OR2L13: variants seen among roughly 807,000 people sequenced by gnomAD.
OR2L13 encodes olfactory receptor 2L13.
In OR2L13, 14 loss-of-function variants were observed where a neutral mutation model predicts 15.3. The ratio of observed to expected loss-of-function variants is 0.91; its 90% CI spans 0.60 to 1.43. The LOEUF (loss-of-function observed/expected upper bound fraction) is 1.43. Among genes scored for constraint, OR2L13 ranks in the 40% most tolerant of loss-of-function variants. The pLI is 0.00. For synonymous variants in OR2L13, 152 were observed against 142.9 expected, an observed-to-expected ratio of 1.06 and a Z score of -0.45; for missense variants, 367 against 387.9, an observed-to-expected ratio of 0.95 and a Z score of 0.45.
chr1:248,078,184 T>G, the OR2L13 span, among the ~76,000 whole-genome samples: 2 of 152,106 alleles, frequency 1.3e-5, no homozygotes, highest in Admixed American at 6.6e-5. Context: ...CTAGTAGGAA[T>G]AAAAAATGGT....
the OR2L13 span, among the ~76,000 whole-genome samples, chr1:247,969,000 AC>A: frequency 6.6e-6 from 1 of 151,958 alleles, no homozygotes; most frequent in Non-Finnish European, 1.5e-5. Context: ...ATCCTCTCCA[AC>A]ATCTGTTGTT....
the OR2L13 span, chr1:248,040,979 G>C: frequency 6.6e-6 from 1 of 152,096 alleles, no homozygotes; most frequent in Non-Finnish European, 1.5e-5. Flanking sequence ...TTGACTTATA[G>C]AATGGCAAAT....
the OR2L13 span, among the ~76,000 whole-genome samples, chr1:247,971,261 C>A: frequency 6.6e-6 from 1 of 151,872 alleles, no homozygotes; most frequent in Non-Finnish European, 1.5e-5. Context: ...AAATAAGGAG[C>A]AGAAGAACGT....
At chr1:248,080,107 G>C in the OR2L13 span, among the ~76,000 whole-genome samples, 1 of 151,998 alleles carries the variant, frequency 6.6e-6, no homozygotes, top group South Asian at 2.1e-4. Flanking sequence ...GGAACTAGAT[G>C]ATCTTTGTTG....
upstream of OR2L13, among the ~76,000 whole-genome samples, chr1:248,090,975 T>C (rs1386354244): frequency 6.6e-6 from 1 of 152,128 alleles, no homozygotes. Context: ...GTAATACCCA[T>C]TCTGACTGGT....
At chr1:248,002,751 G>A in the OR2L13 span, among the ~76,000 whole-genome samples, 6 of 151,978 alleles carry the variant, frequency 3.9e-5, no homozygotes, top group Non-Finnish European at 7.4e-5. Context: ...CCAGCTACTC[G>A]GGAGGCTGAG....
At chr1:247,993,762 GGAGAGAGAGA>G in the OR2L13 span, among the ~76,000 whole-genome samples, 8 of 53,668 alleles carry the variant, frequency 1.5e-4, no homozygotes, top group South Asian at 2.3e-3. Flanking sequence ...AGAGAGAGGG[GGAGAGAGAGA>G]GAGAGAGAGA....
At chr1:248,073,588 G>A in the OR2L13 span, among the ~76,000 whole-genome samples, 8 of 151,216 alleles carry the variant, frequency 5.3e-5, no homozygotes, top group African/African-American at 1.9e-4. Context: ...TAACTAACCT[G>A]CACATTGTGC....
chr1:247,942,776 T>C, the OR2L13 span, among the ~76,000 whole-genome samples: 1 of 152,094 alleles, frequency 6.6e-6, no homozygotes, highest in Non-Finnish European at 1.5e-5. Flanking sequence ...GAGTTCTGTG[T>C]CATTGCACAT....
the OR2L13 span, among the ~76,000 whole-genome samples, chr1:248,002,731 G>A: frequency 2.0e-3 from 310 of 152,104 alleles, 1 homozygote; most frequent in Non-Finnish European, 3.5e-3. Flanking sequence ...GGTGGCGGGC[G>A]CCTGTAGTCC....
chr1:248,059,812 G>A, the OR2L13 span, among the ~76,000 whole-genome samples: 1 of 152,152 alleles, frequency 6.6e-6, no homozygotes, highest in South Asian at 2.1e-4. Flanking sequence ...GCAAGGCCAA[G>A]ACAGGAGGAT....
chr1:247,975,479 T>A, the OR2L13 span: 1 of 837,832 alleles, frequency 1.2e-6, no homozygotes, highest in Non-Finnish European at 2.1e-6. Flanking sequence ...TACTATGCAA[T>A]GTTTGCTTAT....
At chr1:247,991,837 G>T in the OR2L13 span, among the ~76,000 whole-genome samples, 141 of 149,634 alleles carry the variant, frequency 9.4e-4, 5 homozygotes, top group Non-Finnish European at 1.6e-3. Flanking sequence ...AAAGTTATCC[G>T]CTTAGGTCCT....
At chr1:247,988,455 A>T in the OR2L13 span, among the ~76,000 whole-genome samples, 11,718 of 152,134 alleles carry the variant, frequency 0.077, 540 homozygotes, top group East Asian at 0.18. Flanking sequence ...TTTCCTTCCT[A>T]AAGATAGGAA....
the OR2L13 span, among the ~76,000 whole-genome samples, chr1:248,052,709 C>T: frequency 4.6e-5 from 7 of 151,576 alleles, no homozygotes; most frequent in South Asian, 4.2e-4. Flanking sequence ...CCAGCCTGGG[C>T]GACAGAGTGA....
chr1:248,058,935 A>AT, the OR2L13 span, among the ~76,000 whole-genome samples: 5 of 151,934 alleles, frequency 3.3e-5, no homozygotes, highest in South Asian at 8.3e-4. Context: ...TTCACTTAAT[A>AT]TTTTTTATCA....
At chr1:248,073,279 T>C in the OR2L13 span, among the ~76,000 whole-genome samples, 2 of 152,184 alleles carry the variant, frequency 1.3e-5, no homozygotes, top group Non-Finnish European at 2.9e-5. Flanking sequence ...ATATACACCA[T>C]GGAATACTAT....
chr1:248,034,182 G>A, the OR2L13 span, among the ~76,000 whole-genome samples: 1,018 of 152,176 alleles, frequency 6.7e-3, 15 homozygotes, highest in African/African-American at 0.024. Context: ...ATGGAAACAC[G>A]TACCATGCTC....
At chr1:248,003,130 C>A in the OR2L13 span, 1 of 1,280,706 alleles carries the variant, frequency 7.8e-7, no homozygotes, top group Non-Finnish European at 1.1e-6. Flanking sequence ...AGGAATGCCC[C>A]ATGGAAAATT....
Sources: gnomAD v4.1 joint callset for allele counts (sites outside exome capture counted in the v4.1 genomes callset) on GRCh38, gnomAD v4.1.1 for gene constraint, MANE v1.5 for transcripts, NCBI Gene and HGNC (gene_info 2026-07-23, HGNC 2026-07-21) for gene names.